The following CADPS variants were observed in gnomAD, a reference collection of about 807,000 sequenced individuals.
The protein encoded by CADPS is calcium-dependent secretion activator 1.
CADPS carries 57 observed loss-of-function variants against 167.3 expected under a neutral mutation model. The observed-to-expected ratio is 0.34, with a 90% CI of 0.28 to 0.42. CADPS has a LOEUF of 0.42. CADPS is among the 20% of genes least tolerant of loss of function. The probability of loss-of-function intolerance (pLI) is 1.00; values close to 1 mark genes in which losing one functional copy is unlikely to be tolerated. For synonymous variants in CADPS, 676 were observed against 635.3 expected, an observed-to-expected ratio of 1.06 and a Z score of -0.96; for missense variants, 1,414 against 1,738.1, an observed-to-expected ratio of 0.81 and a Z score of 3.32.
chr3:62,416,617 T>A (rs543820668), intron 28 of CADPS, among the ~76,000 whole-genome samples: 86 of 152,238 alleles, frequency 5.6e-4, no homozygotes, highest in African/African-American at 2.0e-3. Context: ...CACCGAACAA[T>A]GCCCAATAAA....
rs554240911 is a variant in CADPS, at chr3:62,497,120, G to A, written c.2706+2042C>T. ...AGTTTAGGATAAGGATTAACACAGC[G>A]AGAAAGGGCTTTTTGGAAAAGTGAA... On this transcript the variant is annotated intron_variant, in intron 18 of 29. Transcript: ENST00000383710. Among the ~76,000 whole-genome samples, 130 of 152,272 alleles carry A rather than the reference G, an allele frequency of 8.5e-4. 2 individuals are homozygous for A. The highest frequency in any genetic ancestry group is 1.2e-3 in the Non-Finnish European group (85 of 68,024).
chr3:62,862,052 C>T (rs1239372202), intron 1 of CADPS, among the ~76,000 whole-genome samples: 2 of 150,900 alleles, frequency 1.3e-5, no homozygotes, highest in Non-Finnish European at 2.9e-5. Context: ...TGGAACTCTC[C>T]AAGGCGCTAA....
At chr3:62,694,637 A>G (rs2079924801) in intron 3 of CADPS, among the ~76,000 whole-genome samples, 1 of 152,098 alleles carries the variant, frequency 6.6e-6, no homozygotes, top group African/African-American at 2.4e-5. Context: ...GACTCACAGA[A>G]TGCCTGATCC....
At chr3:62,600,154 C>CT (rs111790353) in intron 6 of CADPS, among the ~76,000 whole-genome samples, 1,408 of 135,910 alleles carry the variant, frequency 0.01, 20 homozygotes, top group African/African-American at 0.032. Context: ...TGATTTCTTT[C>CT]TTTTTTTTTT....
chr3:62,660,231 G>A lies in CADPS; in HGVS notation c.969+2083C>T, dbSNP rs555506483. On this transcript the variant is annotated intron_variant, in intron 4 of 29. Coordinates refer to ENST00000383710, the MANE Select transcript of CADPS (RefSeq NM_003716.4). ...GGTGCCATGAGCTTGTTTTTGAGGT[G>A]TGTGTGATTTTTATTTAGATGGGAT... Among the ~76,000 whole-genome samples, 3 of 152,294 alleles carry A rather than the reference G, an allele frequency of 2.0e-5. No individual in the cohort carries two copies. In the South Asian group the frequency reaches 6.2e-4, roughly 32 times the overall value.
intron 13 of CADPS, chr3:62,530,706 C>A: frequency 1.6e-6 from 2 of 1,288,536 alleles, no homozygotes; most frequent in Non-Finnish European, 2.0e-6. Flanking sequence ...TTTTTGGATT[C>A]CTTTTTGGTA....
intron 11 of CADPS, among the ~76,000 whole-genome samples, chr3:62,538,519 A>G (rs933363434): frequency 3.9e-5 from 6 of 152,184 alleles, no homozygotes; most frequent in Non-Finnish European, 7.3e-5. Flanking sequence ...TTTCATCCTC[A>G]TAAAAAGCCT....
intron 6 of CADPS, among the ~76,000 whole-genome samples, chr3:62,627,473 G>A (rs1230510873): frequency 1.3e-5 from 2 of 152,054 alleles, no homozygotes; most frequent in Non-Finnish European, 2.9e-5. Flanking sequence ...TTTATGGCCT[G>A]TTTACTAAAA....
intron 24 of CADPS, among the ~76,000 whole-genome samples, chr3:62,471,208 CTT>C (rs2060566025): frequency 6.6e-6 from 1 of 152,136 alleles, no homozygotes; most frequent in African/African-American, 2.4e-5. Context: ...CAAAAGGCAA[CTT>C]ATTCTTCTAT....
intron 1 of CADPS, among the ~76,000 whole-genome samples, chr3:62,767,952 G>A (rs753776672): frequency 2.0e-5 from 3 of 152,096 alleles, no homozygotes; most frequent in East Asian, 3.9e-4. Context: ...TAGTTTACCC[G>A]TACAACATAT....
chr3:62,486,897 G>A (rs1221024299), intron 21 of CADPS, among the ~76,000 whole-genome samples: 1 of 152,214 alleles, frequency 6.6e-6, no homozygotes, highest in East Asian at 1.9e-4. Flanking sequence ...ATTAAGGAGA[G>A]GTTTATGCAA....
chr3:62,718,668 T>C (rs1248963261), intron 3 of CADPS, among the ~76,000 whole-genome samples: 1 of 152,188 alleles, frequency 6.6e-6, no homozygotes, highest in African/African-American at 2.4e-5. Context: ...ACTCCAGTCC[T>C]CTAAGGTTAA....
In CADPS at chr3:62,753,495, C is replaced by T. The variant is rs1410337130; in HGVS notation, c.834G>A (p.Gln278=). 5.6e-6 allele frequency: 9 copies of T among 1,613,964 alleles called. No individual in the cohort carries two copies. The highest frequency in any genetic ancestry group is 7.6e-6 in the Non-Finnish European group (9 of 1,180,018). Residue 278 remains glutamine, a synonymous_variant, in exon 3 of 30, where the codon CAG becomes CAA. Transcript: ENST00000383710. The surrounding 1 kb of genome is among the most constrained non-coding windows in gnomAD (Gnocchi z 4.6). ...CGAACTTCTTGATCCCAAGAATGTT[C>T]TGGAACATCTCATAGAGTTGCTCCT... is the stretch of plus-strand genomic sequence containing the variant. ...LSKEQLYEMF[Q]NILGIKKFEH...
intron 6 of CADPS, among the ~76,000 whole-genome samples, chr3:62,600,594 C>T (rs1382292186): frequency 4.6e-5 from 7 of 152,196 alleles, no homozygotes; most frequent in Non-Finnish European, 1.5e-5. Context: ...CTTAGGGATT[C>T]TATCTCCAAA....
intron 3 of CADPS, among the ~76,000 whole-genome samples, chr3:62,732,935 T>A (rs545143553): frequency 1.3e-5 from 2 of 152,330 alleles, no homozygotes; most frequent in East Asian, 3.9e-4. Flanking sequence ...TGTTCAGTTG[T>A]GATGGAGGGT....
rs376448154 is a variant in CADPS, at chr3:62,506,767, G to A, written c.2599+5984C>T. On this transcript the variant is annotated intron_variant, in intron 17 of 29. Transcript: ENST00000383710. The stretch of plus-strand genomic sequence containing the variant: ...TCATGGGTACTATGACTGGCTCTGG[G>A]GTTAGCATGTGACCCAAGCTGGGCC... Among the ~76,000 whole-genome samples the A allele has an allele frequency of 4.1e-4, 63 of 152,278 alleles. 2 individuals carry two copies. The East Asian group carries it at 0.011, about 27-fold the overall frequency.
chr3:62,462,898 C>T (rs1013028465), intron 26 of CADPS, among the ~76,000 whole-genome samples: 1 of 152,176 alleles, frequency 6.6e-6, no homozygotes, highest in South Asian at 2.1e-4. Context: ...AAACACAGTT[C>T]ACTTTCTCTA....
At chr3:62,475,213 G>A (rs767440280) in intron 23 of CADPS, among the ~76,000 whole-genome samples, 13 of 152,162 alleles carry the variant, frequency 8.5e-5, no homozygotes, top group Non-Finnish European at 1.9e-4. Context: ...ATGGCCAGCT[G>A]GTAATACAGG....
intron 29 of CADPS, among the ~76,000 whole-genome samples, chr3:62,401,900 A>T (rs984168117): frequency 1.3e-5 from 2 of 152,210 alleles, no homozygotes; most frequent in Admixed American, 6.5e-5. Flanking sequence ...CTACCCAATA[A>T]GGGTCAAACA....
Sources: gnomAD v4.1 joint callset for allele counts (sites outside exome capture counted in the v4.1 genomes callset) on GRCh38, gnomAD v4.1.1 for gene constraint, Gnocchi (gnomAD v3.1) non-coding constraint, MANE v1.5 for transcripts, NCBI Gene and HGNC (gene_info 2026-07-23, HGNC 2026-07-21) for gene names.